Variants in ANKRD45 observed in about 807,000 individuals in gnomAD.
The protein encoded by ANKRD45 is ankyrin repeat domain-containing protein 45.
In ANKRD45, 21 loss-of-function variants were observed where a neutral mutation model predicts 28.1. The observed-to-expected ratio is 0.75, with a 90% CI of 0.53 to 1.08. The LOEUF is 1.08. ANKRD45 is among the 50% of genes least tolerant of loss of function. The probability of loss-of-function intolerance (pLI) is 0.00; values close to 1 mark genes in which losing one functional copy is unlikely to be tolerated. For missense variants in ANKRD45, 261 were observed against 308.7 expected (o/e 0.85, Z 1.16); for synonymous variants, 86 against 103.9 (o/e 0.83, Z 1.05).
the ANKRD45 span, among the ~76,000 whole-genome samples, chr1:173,695,952 A>G: frequency 6.6e-6 from 1 of 152,166 alleles, no homozygotes; most frequent in Non-Finnish European, 1.5e-5. Flanking sequence ...ATCCATGACA[A>G]TGCATGCCCA....
chr1:173,703,015 C>T, the ANKRD45 span, among the ~76,000 whole-genome samples: 7 of 151,906 alleles, frequency 4.6e-5, no homozygotes, highest in African/African-American at 1.7e-4. Flanking sequence ...CATGAACCAC[C>T]ATGCCCCTCT....
the ANKRD45 span, among the ~76,000 whole-genome samples, chr1:173,678,986 T>G: frequency 0.038 from 5,831 of 152,232 alleles, 159 homozygotes; most frequent in Non-Finnish European, 0.059. Flanking sequence ...GAATCAAAAT[T>G]ACAACAGGTG....
intron 1 of ANKRD45, 149 bp from the exon 2 acceptor site, chr1:173,659,582 C>T: frequency 1.5e-6 from 1 of 689,504 alleles, no homozygotes; most frequent in Non-Finnish European, 2.2e-6. Flanking sequence ...TTCAGCAATT[C>T]CATCAATAAA....
intron 1 of ANKRD45, among the ~76,000 whole-genome samples, chr1:173,659,925 A>G (rs1017540397): frequency 6.6e-6 from 1 of 152,230 alleles, no homozygotes; most frequent in African/African-American, 2.4e-5. Flanking sequence ...AATCAAATTT[A>G]TTTCCTACCT....
chr1:173,702,377 G>A, the ANKRD45 span, among the ~76,000 whole-genome samples: 11 of 152,306 alleles, frequency 7.2e-5, 1 homozygote, highest in South Asian at 2.3e-3. Flanking sequence ...TATAAAAATA[G>A]ATTTCAGAGT....
intron 3 of ANKRD45, among the ~76,000 whole-genome samples, chr1:173,640,087 T>C (rs771335803): frequency 1.1e-4 from 16 of 152,322 alleles, no homozygotes; most frequent in South Asian, 2.1e-4. Context: ...CATTGCCTTA[T>C]TGAGGATCAG....
At chr1:173,636,901 A>T (rs1347137126) in intron 3 of ANKRD45, 1 of 1,535,910 alleles carries the variant, frequency 6.5e-7, no homozygotes, top group Non-Finnish European at 8.7e-7. Context: ...TTGACCAAAC[A>T]CTCCACAGAG....
Position 173,609,927 on chromosome 1 carries a change from G to A in ANKRD45, c.*218C>T, listed in dbSNP as rs1667070369. 5 of 534,786 alleles carry A rather than the reference G, an allele frequency of 9.3e-6. No individual in the cohort carries two copies. Among genetic ancestry groups the A allele is most frequent in the Non-Finnish European group, 1.7e-5 (5 of 302,560 alleles). The allele number at this position is 534,786 out of a possible 1,614,324, so 33.1% of individuals were successfully genotyped here. ...TTTATACCCAAGTGCTTTCCTGAAG[G>A]AGCACGTGAAACTCACATGGGGCTG... On this transcript the variant is annotated 3_prime_UTR_variant, in exon 6 of 6. Transcript: ENST00000333279.
At chr1:173,677,804 C>T in the ANKRD45 span, among the ~76,000 whole-genome samples, 1 of 151,956 alleles carries the variant, frequency 6.6e-6, no homozygotes, top group Admixed American at 6.6e-5. Context: ...GGTTTTTTTC[C>T]TAAGCAAAGT....
At chr1:173,666,520 C>A (rs1670025085) in intron 1 of ANKRD45, among the ~76,000 whole-genome samples, 1 of 152,000 alleles carries the variant, frequency 6.6e-6, no homozygotes, top group South Asian at 2.1e-4. Flanking sequence ...TATGTTAAAT[C>A]TAGATTACTT....
In ANKRD45 at chr1:173,629,328, A is replaced by G. The variant is rs1668082692; in HGVS notation, c.497-2169T>C. 2.0e-5 allele frequency among the ~76,000 whole-genome samples: 3 copies of G among 152,222 alleles called. No individual in the cohort carries two copies. The South Asian group carries it at 6.2e-4, about 31-fold the overall frequency. On this transcript the variant is annotated intron_variant, in intron 3 of 5. Transcript: ENST00000333279. ...AAGTAAGGCCCCAGTGATCAATCCC[A>G]GAGTGAAAGAGATATGTGACCTTTC...
chr1:173,647,776 TTG>T (rs1362697845), intron 2 of ANKRD45, among the ~76,000 whole-genome samples: 2 of 151,114 alleles, frequency 1.3e-5, no homozygotes, highest in African/African-American at 4.9e-5. Flanking sequence ...CCATAATCTT[TTG>T]TGTCTAAATA....
chr1:173,647,908 T>C (rs1669010881), intron 2 of ANKRD45, among the ~76,000 whole-genome samples: 1 of 151,950 alleles, frequency 6.6e-6, no homozygotes, highest in Non-Finnish European at 1.5e-5. Flanking sequence ...CTCAGCTTCC[T>C]GAGTAGCTGG....
At chr1:173,632,071 T>G (rs1668221680) in intron 3 of ANKRD45, among the ~76,000 whole-genome samples, 1 of 151,160 alleles carries the variant, frequency 6.6e-6, no homozygotes, top group South Asian at 2.1e-4. Flanking sequence ...TTTGAAAAGA[T>G]AAACAAAATT....
At chr1:173,675,803 A>C in the ANKRD45 span, among the ~76,000 whole-genome samples, 2,116 of 152,296 alleles carry the variant, frequency 0.014, 54 homozygotes, top group African/African-American at 0.049. Flanking sequence ...GCTTTATTAC[A>C]CTTCACCTGA....
At chr1:173,668,718 G>C (rs1053581006) in intron 1 of ANKRD45, among the ~76,000 whole-genome samples, 4 of 152,144 alleles carry the variant, frequency 2.6e-5, no homozygotes, top group African/African-American at 9.7e-5. Context: ...TAATCAATAA[G>C]TAAATGCTCA....
the ANKRD45 span, chr1:173,714,968 C>T: frequency 6.5e-6 from 1 of 152,738 alleles, no homozygotes; most frequent in Non-Finnish European, 1.5e-5. Flanking sequence ...AAGGAAATAG[C>T]TCTACGAGCG....
chr1:173,689,171 G>A, the ANKRD45 span, among the ~76,000 whole-genome samples: 1 of 152,110 alleles, frequency 6.6e-6, no homozygotes, highest in African/African-American at 2.4e-5. Flanking sequence ...TCTTGAAGTG[G>A]CCTGTTTTTC....
chr1:173,685,108 G>A, the ANKRD45 span, among the ~76,000 whole-genome samples: 1 of 152,132 alleles, frequency 6.6e-6, no homozygotes. Flanking sequence ...TAGCCAATTG[G>A]ACTAAAGCAC....
Sources: allele counts gnomAD v4.1 joint callset (sites outside exome capture counted in the v4.1 genomes callset), GRCh38; gene constraint gnomAD v4.1.1; transcripts MANE v1.5; gene names NCBI Gene and HGNC (gene_info 2026-07-23, HGNC 2026-07-21).